PDE1C: variants seen among roughly 807,000 people sequenced by gnomAD.
PDE1C encodes dual specificity calcium/calmodulin-dependent 3',5'-cyclic nucleotide phosphodiesterase 1C.
A neutral mutation model predicts 93.1 loss-of-function variants in PDE1C; 62 were observed. The observed-to-expected ratio is 0.67, with a 90% CI of 0.54 to 0.82. PDE1C has a LOEUF of 0.82. Among genes scored for constraint, PDE1C ranks in the 40% least tolerant of loss-of-function variants. PDE1C has a pLI of 0.00. For synonymous variants in PDE1C, 325 were observed against 310.1 expected (o/e 1.05, Z -0.50); for missense variants, 742 against 884.6 (o/e 0.84, Z 2.04).
At chr7:31,869,625 A>C (rs1341849727) in intron 6 of PDE1C, among the ~76,000 whole-genome samples, 1 of 152,124 alleles carries the variant, frequency 6.6e-6, no homozygotes, top group Non-Finnish European at 1.5e-5. Flanking sequence ...TGTATAAAGC[A>C]AATATTACTA....
chr7:31,868,670 T>G (rs1188235651), intron 6 of PDE1C, among the ~76,000 whole-genome samples: 1 of 152,060 alleles, frequency 6.6e-6, no homozygotes, highest in East Asian at 1.9e-4. Flanking sequence ...AGCAATAGAC[T>G]TAGACACCCA....
chr7:32,304,366 T>C (rs2128902809), intron 1 of PDE1C, among the ~76,000 whole-genome samples: 1 of 152,306 alleles, frequency 6.6e-6, no homozygotes, highest in Admixed American at 6.5e-5. Context: ...CGCTAAAACA[T>C]TTATGAATTA....
At chr7:32,190,627 C>A (rs958110461) in intron 2 of PDE1C, among the ~76,000 whole-genome samples, 2 of 152,130 alleles carry the variant, frequency 1.3e-5, no homozygotes, top group Non-Finnish European at 2.9e-5. Context: ...TGGCACAGAT[C>A]TTGAATCTTT....
At chr7:31,762,852 ACCAGCATTT>A (rs1240168092) in intron 17 of PDE1C, among the ~76,000 whole-genome samples, 1 of 152,172 alleles carries the variant, frequency 6.6e-6, no homozygotes, top group Non-Finnish European at 1.5e-5. Flanking sequence ...AGATGACCCA[ACCAGCATTT>A]CCAGATCCCT....
chr7:31,801,646 G>A (rs1405844493), intron 16 of PDE1C, among the ~76,000 whole-genome samples: 3 of 151,336 alleles, frequency 2.0e-5, no homozygotes, highest in Non-Finnish European at 4.4e-5. Context: ...TTTGTAGTTT[G>A]TTTCAAGTAT....
intron 16 of PDE1C, among the ~76,000 whole-genome samples, chr7:31,808,521 A>C (rs1439744102): frequency 6.6e-6 from 1 of 151,950 alleles, no homozygotes; most frequent in Non-Finnish European, 1.5e-5. Context: ...TTGCTGGCAA[A>C]ACTGTATTTT....
chr7:31,811,594 C>T (rs1413359086), intron 15 of PDE1C, among the ~76,000 whole-genome samples: 1 of 152,050 alleles, frequency 6.6e-6, no homozygotes, highest in African/African-American at 2.4e-5. Context: ...CAAACTAGTT[C>T]CTTCTAGTTC....
chr7:31,782,892 T>G (rs543125592), intron 16 of PDE1C, among the ~76,000 whole-genome samples: 2 of 152,372 alleles, frequency 1.3e-5, no homozygotes, highest in Admixed American at 6.5e-5. Flanking sequence ...TTTGCCCAAC[T>G]CTGGGATAAT....
At chr7:32,201,421 C>T (rs891861176) in intron 2 of PDE1C, among the ~76,000 whole-genome samples, 2 of 152,130 alleles carry the variant, frequency 1.3e-5, no homozygotes. Context: ...ATTATCTAAG[C>T]GTGTACACAT....
At chr7:32,310,342 T>C (rs1782992211) in intron 1 of PDE1C, among the ~76,000 whole-genome samples, 2 of 152,196 alleles carry the variant, frequency 1.3e-5, no homozygotes, top group Middle Eastern at 3.4e-3. Flanking sequence ...GACCGATCAA[T>C]GAGACAGAAA....
At chr7:32,148,607 A>G (rs1801054781) in intron 3 of PDE1C, among the ~76,000 whole-genome samples, 1 of 152,204 alleles carries the variant, frequency 6.6e-6, no homozygotes, top group Non-Finnish European at 1.5e-5. Context: ...AAAATTAAAA[A>G]TTCAGTCCCT....
At chr7:32,248,978 G>T (rs1350010208) in intron 1 of PDE1C, among the ~76,000 whole-genome samples, 1 of 152,138 alleles carries the variant, frequency 6.6e-6, no homozygotes, top group African/African-American at 2.4e-5. Flanking sequence ...ATGAAGGGCT[G>T]TCATGTAGAA....
intron 2 of PDE1C, among the ~76,000 whole-genome samples, chr7:32,046,608 GTATTAA>G (rs1658515694): frequency 6.6e-6 from 1 of 152,042 alleles, no homozygotes; most frequent in South Asian, 2.1e-4. Flanking sequence ...ACTATAGTAA[GTATTAA>G]ATAAACTTTT....
chr7:32,311,719 A>C (rs1235748795), intron 1 of PDE1C, among the ~76,000 whole-genome samples: 2 of 152,128 alleles, frequency 1.3e-5, no homozygotes, highest in Non-Finnish European at 2.9e-5. Flanking sequence ...TCATGCTAAA[A>C]ACTCTCAATA....
rs1300372966 is a variant in PDE1C, at chr7:32,333,549, CTT to C, written c.310+94271_310+94272del. ...GTGCTTAATTATAGGAGTCCAAAAA[CTT>C]TGAGTAGCTGTCCTAATCATCAAAA... is the stretch of plus-strand genomic sequence containing the variant. On this transcript the variant is annotated intron_variant, in intron 1 of 1. Coordinates refer to the PDE1C transcript ENST00000672256. Among the ~76,000 whole-genome samples, 6 of 152,280 alleles carry C rather than the reference CTT, an allele frequency of 3.9e-5. No homozygotes were observed. In the East Asian group the frequency reaches 1.2e-3, roughly 29 times the overall value.
At chr7:32,223,728 G>A (rs1039846457) in intron 1 of PDE1C, among the ~76,000 whole-genome samples, 1 of 152,176 alleles carries the variant, frequency 6.6e-6, no homozygotes, top group Non-Finnish European at 1.5e-5. Context: ...AACCAGAATA[G>A]TGCCTGGCAC....
the PDE1C span, among the ~76,000 whole-genome samples, chr7:31,670,157 A>C: frequency 6.6e-6 from 1 of 152,320 alleles, no homozygotes; most frequent in Admixed American, 6.5e-5. Context: ...CTTATCTGAA[A>C]TACCTGGGAC....
chr7:32,147,156 C>T (rs1006961976), intron 3 of PDE1C, among the ~76,000 whole-genome samples: 21 of 149,562 alleles, frequency 1.4e-4, no homozygotes, highest in African/African-American at 4.7e-4. Flanking sequence ...CATGGAAAAT[C>T]GCCCCCAGAA....
At chr7:32,147,329 A>G (rs2010796) in intron 3 of PDE1C, among the ~76,000 whole-genome samples, 18,199 of 143,348 alleles carry the variant, frequency 0.13, 639 homozygotes, top group Middle Eastern at 0.2. Flanking sequence ...AGAAAGAAAG[A>G]AAGACGCTGT....
Sources: gnomAD v4.1 joint callset for allele counts (sites outside exome capture counted in the v4.1 genomes callset) on GRCh38, gnomAD v4.1.1 for gene constraint, MANE v1.5 for transcripts, NCBI Gene and HGNC (gene_info 2026-07-23, HGNC 2026-07-21) for gene names.